The following EML4 variants were observed in gnomAD, a reference collection of about 807,000 sequenced individuals.
The protein encoded by EML4 is echinoderm microtubule-associated protein-like 4.
EML4 carries 72 observed loss-of-function variants against 129.0 expected under a neutral mutation model. That is an observed-to-expected ratio of 0.56 (90% CI 0.46 to 0.68). The LOEUF (loss-of-function observed/expected upper bound fraction) is 0.68, where lower values mean the gene tolerates loss of function less well. Among genes scored for constraint, EML4 ranks in the 30% least tolerant of loss-of-function variants. The pLI is 0.00. For synonymous variants in EML4, 532 were observed against 405.0 expected, an observed-to-expected ratio of 1.31 and a Z score of -3.77; for missense variants, 1,363 against 1,190.6, an observed-to-expected ratio of 1.14 and a Z score of -2.13.
At chr2:42,311,203 TAC>T (rs1668924804) in intron 17 of EML4, among the ~76,000 whole-genome samples, 1 of 152,168 alleles carries the variant, frequency 6.6e-6, no homozygotes, top group Non-Finnish European at 1.5e-5. Context: ...GAGATAAAAT[TAC>T]ATAGTTTTCC....
intron 4 of EML4, among the ~76,000 whole-genome samples, chr2:42,261,924 G>C (rs999449961): frequency 6.6e-6 from 1 of 152,162 alleles, no homozygotes; most frequent in Non-Finnish European, 1.5e-5. Flanking sequence ...CAATGTGTGT[G>C]AGCCTAAATT....
Position 42,329,571 on chromosome 2 carries a change from A to G in EML4, c.2473-163A>G, listed in dbSNP as rs148058533. ...CTATGTAAAGTGATAATAAAAGGAA[A>G]TAACGGCTAGCCTTACTCCTGAGAT... On this transcript the variant is annotated intron_variant, in intron 22 of 22. Coordinates refer to ENST00000318522, the MANE Select transcript of EML4 (RefSeq NM_019063.5). Among the ~76,000 whole-genome samples, 34 of 152,326 alleles carry G rather than the reference A, an allele frequency of 2.2e-4. No individual in the cohort carries two copies. The East Asian group carries it at 5.0e-3, about 22-fold the overall frequency.
chr2:42,280,743 G>T, intron 6 of EML4, 107 bp from the exon 7 acceptor site: 2 of 808,276 alleles, frequency 2.5e-6, no homozygotes, highest in Non-Finnish European at 3.8e-6. Context: ...CTAAAACTTT[G>T]AAGTAGTCAT....
intron 13 of EML4, among the ~76,000 whole-genome samples, chr2:42,297,241 C>T (rs181929769): frequency 6.6e-6 from 1 of 152,114 alleles, no homozygotes; most frequent in East Asian, 1.9e-4. Flanking sequence ...TTTTTCTTTC[C>T]TGGGCACATT....
intron 11 of EML4, among the ~76,000 whole-genome samples, chr2:42,293,003 TC>T (rs1667740003): frequency 6.6e-6 from 1 of 152,222 alleles, no homozygotes; most frequent in Non-Finnish European, 1.5e-5. Context: ...GTTCAGTCAA[TC>T]TTTAAACTTT....
At chr2:42,269,164 T>A (rs1459138516) in intron 6 of EML4, among the ~76,000 whole-genome samples, 4 of 152,192 alleles carry the variant, frequency 2.6e-5, no homozygotes, top group African/African-American at 9.7e-5. Context: ...CAAAAATGGC[T>A]TCAGATTAAA....
chr2:42,212,032 G>A (rs575337778), intron 1 of EML4, among the ~76,000 whole-genome samples: 41 of 152,164 alleles, frequency 2.7e-4, no homozygotes, highest in Non-Finnish European at 4.7e-4. Context: ...TTTTAGTAGA[G>A]ATGGGGTTTT....
chr2:42,309,250 A>T (rs909584418), intron 17 of EML4, among the ~76,000 whole-genome samples: 2 of 118,676 alleles, frequency 1.7e-5, no homozygotes, highest in Non-Finnish European at 2.0e-5. Context: ...TACAAAAAAT[A>T]AAAAAAAAAA....
intron 6 of EML4, 153 bp downstream of exon 6, chr2:42,264,884 T>A: frequency 6.5e-7 from 1 of 1,547,852 alleles, no homozygotes; most frequent in Non-Finnish European, 8.7e-7. Context: ...AACCCAGTTT[T>A]TATTGTAAGG....
chr2:42,250,070 T>A (rs1335285655), intron 2 of EML4, among the ~76,000 whole-genome samples: 2 of 152,192 alleles, frequency 1.3e-5, no homozygotes, highest in African/African-American at 4.8e-5. Flanking sequence ...TGAATGTAAT[T>A]TGAGAACACA....
chr2:42,247,936 G>C (rs1675519427), intron 2 of EML4, among the ~76,000 whole-genome samples: 1 of 152,016 alleles, frequency 6.6e-6, no homozygotes, highest in Non-Finnish European at 1.5e-5. Context: ...AATAGAAAAT[G>C]ATAACGATGT....
intron 17 of EML4, among the ~76,000 whole-genome samples, chr2:42,305,444 T>G (rs529383178): frequency 6.6e-6 from 1 of 152,302 alleles, no homozygotes; most frequent in South Asian, 2.1e-4. Flanking sequence ...TCTCCTCATC[T>G]TTTATGCAGG....
At chr2:42,257,816 G>A (rs144855534) in intron 3 of EML4, among the ~76,000 whole-genome samples, 1,839 of 145,262 alleles carry the variant, frequency 0.013, 33 homozygotes, top group African/African-American at 0.044. Context: ...CAGCCTGGGT[G>A]ACAGAGCCAG....
At chr2:42,262,974 A>C (rs1665827285) in intron 4 of EML4, among the ~76,000 whole-genome samples, 1 of 152,222 alleles carries the variant, frequency 6.6e-6, no homozygotes, top group African/African-American at 2.4e-5. Flanking sequence ...GAATCTTCTG[A>C]GTGATACAGA....
chr2:42,195,907 A>G (rs1445110075), intron 1 of EML4, among the ~76,000 whole-genome samples: 1 of 152,218 alleles, frequency 6.6e-6, no homozygotes, highest in Non-Finnish European at 1.5e-5. Context: ...TGTGGAACCT[A>G]GTGCTTCATT....
At position 42,295,377 on chromosome 2, in the gene EML4, G is replaced by T. The variant is rs1475867126; in HGVS notation, c.1354-4G>T. ...AACTGAAAATTTTTATTGTTTCCTT[G>T]TAGAAATATGAAAAGCCAAAATTTG... On this transcript the variant is annotated splice_region_variant and splice_polypyrimidine_tract_variant and intron_variant, in intron 12 of 22. Transcript: ENST00000318522. 5.6e-6 allele frequency: 9 copies of T among 1,608,136 alleles called. No homozygotes were observed. The highest frequency in any genetic ancestry group is 6.8e-6 in the Non-Finnish European group (8 of 1,178,706).
chr2:42,288,596 AT>A (rs1667444794), intron 11 of EML4: 1 of 195,782 alleles, frequency 5.1e-6, no homozygotes, highest in South Asian at 1.7e-4. Flanking sequence ...TGATCTCATA[AT>A]TAAGACTGAA....
At chr2:42,178,017 A>G (rs993977826) in intron 1 of EML4, among the ~76,000 whole-genome samples, 2 of 152,224 alleles carry the variant, frequency 1.3e-5, no homozygotes, top group Non-Finnish European at 1.5e-5. Flanking sequence ...AAAGGTTGAC[A>G]TACATGAAAA....
At chr2:42,302,011 C>A (rs1668311390) in intron 14 of EML4, among the ~76,000 whole-genome samples, 1 of 151,986 alleles carries the variant, frequency 6.6e-6, no homozygotes, top group Non-Finnish European at 1.5e-5. Context: ...AATTTTAGAT[C>A]CCACTTGATA....
Sources: allele counts gnomAD v4.1 joint callset (sites outside exome capture counted in the v4.1 genomes callset), GRCh38; gene constraint gnomAD v4.1.1; transcripts MANE v1.5; gene names NCBI Gene and HGNC (gene_info 2026-07-23, HGNC 2026-07-21).